TENM1: variants seen among roughly 807,000 people sequenced by gnomAD.
TENM1 encodes the protein teneurin-1.
TENM1 carries 35 observed loss-of-function variants against 174.8 expected under a neutral mutation model. The ratio of observed to expected loss-of-function variants is 0.20; its 90% CI spans 0.15 to 0.27. The LOEUF is 0.27. TENM1 is among the 10% of genes least tolerant of loss of function. The pLI is 1.00. For missense variants in TENM1, 1,633 were observed against 2,130.1 expected (o/e 0.77, Z 4.59); for synonymous variants, 781 against 798.7 (o/e 0.98, Z 0.37).
At chrX:124,379,655 A>G (rs2060135824) in exon 32 of TENM1, 1 of 112,411 alleles carries the variant, frequency 8.9e-6, no homozygotes, top group African/African-American at 3.2e-5. Flanking sequence ...GCACAAAACC[A>G]TTGGGTCAGT....
At chrX:125,143,045 T>C in the TENM1 span, among the ~76,000 whole-genome samples, 1 of 112,002 alleles carries the variant, frequency 8.9e-6, no homozygotes, top group Admixed American at 9.5e-5. Flanking sequence ...GCAAAACATG[T>C]AAAAATATTT....
intron 1 of TENM1, among the ~76,000 whole-genome samples, chrX:124,919,305 A>G (rs1201474132): frequency 8.9e-6 from 1 of 112,082 alleles, no homozygotes; most frequent in Non-Finnish European, 1.9e-5. Flanking sequence ...GTGCCATGAT[A>G]GTCTACAAAA....
intron 1 of TENM1, among the ~76,000 whole-genome samples, chrX:124,903,471 A>G (rs979887289): frequency 8.9e-6 from 1 of 112,322 alleles, no homozygotes; most frequent in African/African-American, 3.2e-5. Flanking sequence ...GAAGAAATCA[A>G]AACAACTCCA....
chrX:125,185,284 TA>T, the TENM1 span, among the ~76,000 whole-genome samples: 1 of 112,384 alleles, frequency 8.9e-6, no homozygotes, highest in South Asian at 3.6e-4. Context: ...TAAGAACTAC[TA>T]AATAGTTTTG....
chrX:124,685,981 T>C (rs1334169679), intron 5 of TENM1, among the ~76,000 whole-genome samples: 2 of 111,414 alleles, frequency 1.8e-5, no homozygotes, highest in Non-Finnish European at 3.8e-5. Context: ...GAAATGAAAA[T>C]CCAGATGCAA....
chrX:125,056,723 C>G, the TENM1 span, among the ~76,000 whole-genome samples: 22,432 of 110,920 alleles, frequency 0.2, 1,690 homozygotes, highest in Admixed American at 0.34. Flanking sequence ...TTCAAATGAA[C>G]TCCAGCTCCG....
intron 4 of TENM1, among the ~76,000 whole-genome samples, chrX:124,728,428 T>G (rs1043460898): frequency 8.9e-6 from 1 of 111,766 alleles, no homozygotes; most frequent in Non-Finnish European, 1.9e-5. Context: ...AAAAGAATAG[T>G]GCCTAATATC....
intron 21 of TENM1, among the ~76,000 whole-genome samples, chrX:124,483,625 G>A: frequency 8.9e-6 from 1 of 112,058 alleles, no homozygotes; most frequent in Middle Eastern, 4.6e-3. Context: ...CTACTTCCTT[G>A]GTACCATTTC....
the TENM1 span, among the ~76,000 whole-genome samples, chrX:124,985,885 C>T: frequency 2.7e-5 from 3 of 111,242 alleles, no homozygotes; most frequent in African/African-American, 9.8e-5. Context: ...TTTTAAAAAC[C>T]GGCAAAAATT....
chrX:125,083,672 T>C, the TENM1 span, among the ~76,000 whole-genome samples: 2 of 111,905 alleles, frequency 1.8e-5, no homozygotes, highest in Non-Finnish European at 3.8e-5. Flanking sequence ...AGAATGTTAT[T>C]ATTTTCAATA....
At chrX:124,604,120 A>C (rs1438935843) in intron 11 of TENM1, among the ~76,000 whole-genome samples, 1 of 111,131 alleles carries the variant, frequency 9.0e-6, no homozygotes, top group East Asian at 2.8e-4. Context: ...AATAATCGGT[A>C]TAATAGCAAA....
At chrX:124,930,920 A>T (rs764959792) in intron 1 of TENM1, among the ~76,000 whole-genome samples, 115 of 111,714 alleles carry the variant, frequency 1.0e-3, no homozygotes, top group Non-Finnish European at 1.5e-3. Context: ...AATCATGTAG[A>T]TATTAAACAA....
At chrX:124,526,264 T>C (rs921632324) in intron 16 of TENM1, among the ~76,000 whole-genome samples, 2 of 112,161 alleles carry the variant, frequency 1.8e-5, no homozygotes, top group African/African-American at 6.5e-5. Flanking sequence ...ATCTCTTTCC[T>C]GAGAGTTTCC....
intron 11 of TENM1, among the ~76,000 whole-genome samples, chrX:124,587,369 C>G (rs1238508581): frequency 9.4e-6 from 1 of 106,893 alleles, no homozygotes; most frequent in African/African-American, 3.4e-5. Context: ...GAATAGAGCC[C>G]TCAGAAATAA....
intron 1 of TENM1, among the ~76,000 whole-genome samples, chrX:124,898,219 C>T (rs976718275): frequency 2.4e-4 from 27 of 110,957 alleles, no homozygotes; most frequent in African/African-American, 8.9e-4. Flanking sequence ...GGAGTAGGGC[C>T]AAAGAATCTG....
intron 3 of TENM1, among the ~76,000 whole-genome samples, chrX:124,797,400 C>T (rs923739125): frequency 5.4e-5 from 6 of 111,491 alleles, no homozygotes; most frequent in Non-Finnish European, 1.1e-4. Context: ...TTTTTAGTCA[C>T]TAGGTATTCC....
chrX:124,987,174 C>T, the TENM1 span, among the ~76,000 whole-genome samples: 1 of 111,279 alleles, frequency 9.0e-6, no homozygotes, highest in Non-Finnish European at 1.9e-5. Context: ...AATAACAATA[C>T]TAATCACCAT....
intron 11 of TENM1, among the ~76,000 whole-genome samples, chrX:124,572,360 A>G (rs972804658): frequency 1.8e-5 from 2 of 111,928 alleles, no homozygotes; most frequent in African/African-American, 6.5e-5. Context: ...TATTATATGT[A>G]GAAAGAGTAC....
the TENM1 span, among the ~76,000 whole-genome samples, chrX:125,165,575 A>G: frequency 8.9e-6 from 1 of 112,011 alleles, no homozygotes. Context: ...GCTTTTAATG[A>G]CAGTGGGAAG....
Sources: allele counts gnomAD v4.1 joint callset (sites outside exome capture counted in the v4.1 genomes callset), GRCh38; gene constraint gnomAD v4.1.1; transcripts MANE v1.5; gene names NCBI Gene and HGNC (gene_info 2026-07-23, HGNC 2026-07-21).